OTUD7A: variants seen among roughly 807,000 people sequenced by gnomAD.
The protein encoded by OTUD7A is OTU domain-containing protein 7A.
Under a neutral mutation model 65.7 loss-of-function variants are expected in OTUD7A, and 12 were observed. That is an observed-to-expected ratio of 0.18 (90% CI 0.12 to 0.30). The LOEUF is 0.30. Among genes scored for constraint, OTUD7A ranks in the 10% least tolerant of loss-of-function variants. OTUD7A has a pLI of 1.00. For synonymous variants in OTUD7A, 641 were observed against 586.3 expected (o/e 1.09, Z -1.35); for missense variants, 1,148 against 1,304.8 (o/e 0.88, Z 1.85).
chr15:31,682,022 A>G (rs1892729556), intron 1 of OTUD7A, among the ~76,000 whole-genome samples: 1 of 152,158 alleles, frequency 6.6e-6, no homozygotes, highest in Non-Finnish European at 1.5e-5. Flanking sequence ...AGAGAGTGAG[A>G]GAGGCTCTGA....
intron 1 of OTUD7A, among the ~76,000 whole-genome samples, chr15:31,688,807 G>C (rs1423443530): frequency 1.3e-5 from 2 of 150,212 alleles, no homozygotes; most frequent in African/African-American, 4.9e-5. Context: ...TGGTAAATCT[G>C]GGTGAAGAAT....
At chr15:31,755,055 G>A (rs1172814224) in intron 1 of OTUD7A, among the ~76,000 whole-genome samples, 1 of 142,574 alleles carries the variant, frequency 7.0e-6, no homozygotes, top group Non-Finnish European at 1.6e-5. Flanking sequence ...GTGTTCCTCT[G>A]TGTTCGTGTG....
chr15:31,493,821 T>C (rs1006845484), intron 10 of OTUD7A, among the ~76,000 whole-genome samples: 1 of 151,052 alleles, frequency 6.6e-6, no homozygotes, highest in South Asian at 2.1e-4. Flanking sequence ...AATGCAAATA[T>C]AGCACATCAA....
At chr15:31,790,473 A>G (rs1895785439) in intron 1 of OTUD7A, among the ~76,000 whole-genome samples, 1 of 152,246 alleles carries the variant, frequency 6.6e-6, no homozygotes. Flanking sequence ...GAATTGCTTT[A>G]TCAAGAGACA....
intron 1 of OTUD7A, among the ~76,000 whole-genome samples, chr15:31,849,020 AGAAT>A (rs1367571752): frequency 1.3e-5 from 2 of 152,228 alleles, no homozygotes; most frequent in African/African-American, 2.4e-5. Context: ...GTTGAAATTA[AGAAT>A]GCTGAATATT....
intron 6 of OTUD7A, among the ~76,000 whole-genome samples, chr15:31,527,735 A>G (rs2042033895): frequency 6.6e-6 from 1 of 152,188 alleles, no homozygotes; most frequent in Non-Finnish European, 1.5e-5. Context: ...TGGCTTCTCC[A>G]GGGTCTGCCA....
chr15:31,557,395 T>C (rs992389263), intron 5 of OTUD7A: 2 of 152,278 alleles, frequency 1.3e-5, no homozygotes, highest in African/African-American at 4.8e-5. Flanking sequence ...TTCTCCATGC[T>C]GCTCTGTATG....
At chr15:31,643,676 G>C (rs919359950) in intron 3 of OTUD7A, among the ~76,000 whole-genome samples, 2 of 152,146 alleles carry the variant, frequency 1.3e-5, no homozygotes, top group East Asian at 1.9e-4. Context: ...TTGCATTCCT[G>C]ATAACTTCTG....
chr15:31,648,109 G>A (rs182908923), intron 3 of OTUD7A, among the ~76,000 whole-genome samples: 2 of 152,236 alleles, frequency 1.3e-5, no homozygotes, highest in East Asian at 3.9e-4. Flanking sequence ...ATTTGTTTGG[G>A]AGAACCACTT....
intron 3 of OTUD7A, among the ~76,000 whole-genome samples, chr15:31,637,058 T>A (rs1423180528): frequency 6.6e-6 from 1 of 152,220 alleles, no homozygotes; most frequent in African/African-American, 2.4e-5. Flanking sequence ...TTAGAAGATC[T>A]AGCTAACATC....
intron 1 of OTUD7A, among the ~76,000 whole-genome samples, chr15:31,771,191 C>T (rs1414118251): frequency 1.3e-5 from 2 of 152,130 alleles, no homozygotes. Flanking sequence ...TTGAGTTTAA[C>T]AAGGTCATAG....
intron 1 of OTUD7A, chr15:31,768,259 A>G: frequency 1.3e-6 from 1 of 787,726 alleles, no homozygotes; most frequent in South Asian, 1.4e-5. Flanking sequence ...AAGACCCAGC[A>G]GCCCGGGCAG....
At chr15:31,702,060 T>G (rs1234400474) in intron 1 of OTUD7A, among the ~76,000 whole-genome samples, 1 of 121,166 alleles carries the variant, frequency 8.3e-6, no homozygotes, top group African/African-American at 3.3e-5. Context: ...CATGATCACA[T>G]CAGTTGATGA....
At chr15:31,822,397 C>T (rs1176149418) in intron 1 of OTUD7A, among the ~76,000 whole-genome samples, 2 of 152,202 alleles carry the variant, frequency 1.3e-5, no homozygotes, top group African/African-American at 2.4e-5. Flanking sequence ...CCTCCAGTTT[C>T]TGTTATTTAT....
At chr15:31,763,566 T>A (rs1389716016) in intron 1 of OTUD7A, among the ~76,000 whole-genome samples, 1 of 152,094 alleles carries the variant, frequency 6.6e-6, no homozygotes, top group East Asian at 1.9e-4. Context: ...AGGTTGAACA[T>A]TTGTGTCACC....
chr15:31,498,868 C>T lies in OTUD7A; in HGVS notation c.1171+2822G>A, dbSNP rs16956792. On this transcript the variant is annotated intron_variant, in intron 10 of 12. Coordinates refer to ENST00000307050, the MANE Select transcript of OTUD7A (RefSeq NM_001382637.1). This position sits in a 1 kb window ranked among gnomAD's most constrained non-coding sequence, Gnocchi z 4.2. ...CTGAGGTTGCCCATAGCTGACCAGTCCCACCAGCTCCTGACCTTCCACCTC... is the reference window on the plus strand; with the variant it reads ...CTGAGGTTGCCCATAGCTGACCAGTTCCACCAGCTCCTGACCTTCCACCTC... Among the ~76,000 whole-genome samples the T allele has an allele frequency of 0.052, 7,883 of 152,252 alleles. 672 individuals carry two copies. The highest frequency in any genetic ancestry group is 0.18 in the African/African-American group (7,497 of 41,502).
intron 1 of OTUD7A, among the ~76,000 whole-genome samples, chr15:31,691,790 G>A (rs953901714): frequency 7.4e-6 from 1 of 134,906 alleles, no homozygotes; most frequent in African/African-American, 2.7e-5. Context: ...ACAACCCAGA[G>A]AAAGGGGGAA....
At chr15:31,642,927 A>C (rs1891559563) in intron 3 of OTUD7A, among the ~76,000 whole-genome samples, 1 of 151,738 alleles carries the variant, frequency 6.6e-6, no homozygotes, top group Non-Finnish European at 1.5e-5. Flanking sequence ...GTCTGGGTTT[A>C]ATTTGCTCTT....
At chr15:31,512,835 TG>T (rs2041776680) in intron 8 of OTUD7A, among the ~76,000 whole-genome samples, 1 of 152,244 alleles carries the variant, frequency 6.6e-6, no homozygotes, top group Non-Finnish European at 1.5e-5. Context: ...TAAAGTATGT[TG>T]ATTTTTTTAT....
Sources: gnomAD v4.1 joint callset for allele counts (sites outside exome capture counted in the v4.1 genomes callset) on GRCh38, gnomAD v4.1.1 for gene constraint, Gnocchi (gnomAD v3.1) non-coding constraint, MANE v1.5 for transcripts, NCBI Gene and HGNC (gene_info 2026-07-23, HGNC 2026-07-21) for gene names.